Variants in LOC400499 observed in about 807,000 individuals in gnomAD.
At chr16:11,392,114 G>C in the LOC400499 span, 1 of 399,092 alleles carries the variant, frequency 2.5e-6, no homozygotes, top group South Asian at 1.3e-4. Context: ...TGTGAGGACA[G>C]AGGAAGAGGC....
chr16:11,451,444 G>A, the LOC400499 span, among the ~76,000 whole-genome samples: 1 of 152,068 alleles, frequency 6.6e-6, no homozygotes, highest in South Asian at 2.1e-4. Context: ...GCCAGGCACG[G>A]TGGTGCTCAC....
At chr16:11,383,689 T>C in the LOC400499 span, 1 of 1,232,060 alleles carries the variant, frequency 8.1e-7, no homozygotes, top group Non-Finnish European at 1.0e-6. Flanking sequence ...GGCACACAGG[T>C]GGATGTAGGC....
chr16:11,449,880 C>T, the LOC400499 span, among the ~76,000 whole-genome samples: 326 of 152,356 alleles, frequency 2.1e-3, 4 homozygotes, highest in African/African-American at 7.5e-3. Context: ...GGACACTTGC[C>T]GGCACCTCCA....
At chr16:11,507,538 T>C in the LOC400499 span, among the ~76,000 whole-genome samples, 1 of 152,184 alleles carries the variant, frequency 6.6e-6, no homozygotes, top group Admixed American at 6.5e-5. Flanking sequence ...ATCTGTAAAA[T>C]GGGCACAATG....
the LOC400499 span, among the ~76,000 whole-genome samples, chr16:11,520,656 G>T: frequency 9.1e-6 from 1 of 110,392 alleles, no homozygotes; most frequent in Non-Finnish European, 1.7e-5. Flanking sequence ...GACAGAGTGA[G>T]ACTCCATCAA....
the LOC400499 span, chr16:11,407,168 C>T: frequency 3.3e-5 from 13 of 398,814 alleles, no homozygotes; most frequent in Non-Finnish European, 5.3e-5. Context: ...CCCACCCCAG[C>T]GTGCTCCGGC....
the LOC400499 span, among the ~76,000 whole-genome samples, chr16:11,457,482 A>T: frequency 6.6e-6 from 1 of 151,320 alleles, no homozygotes; most frequent in Non-Finnish European, 1.5e-5. Flanking sequence ...AGTCCCAGCT[A>T]CCTGGGAGGC....
At chr16:11,389,244 C>T in the LOC400499 span, among the ~76,000 whole-genome samples, 14 of 152,208 alleles carry the variant, frequency 9.2e-5, no homozygotes, top group Admixed American at 9.2e-4. Context: ...AGGATCCACC[C>T]CCCCATCTCA....
the LOC400499 span, among the ~76,000 whole-genome samples, chr16:11,411,748 C>T: frequency 6.6e-6 from 1 of 152,138 alleles, no homozygotes; most frequent in Non-Finnish European, 1.5e-5. Flanking sequence ...GTCTGGACAG[C>T]AGGATTTTAA....
chr16:11,478,210 T>G, the LOC400499 span, among the ~76,000 whole-genome samples: 39 of 148,976 alleles, frequency 2.6e-4, no homozygotes, highest in South Asian at 8.7e-4. Context: ...GTGTTTTCAG[T>G]AGAGACAGGG....
chr16:11,426,839 T>C, the LOC400499 span, among the ~76,000 whole-genome samples: 1 of 145,600 alleles, frequency 6.9e-6, no homozygotes, highest in Non-Finnish European at 1.5e-5. Context: ...AGGAGGATGC[T>C]TGAGCCATGA....
chr16:11,387,637 A>ATTTTTTTTT, the LOC400499 span, among the ~76,000 whole-genome samples: 10 of 47,604 alleles, frequency 2.1e-4, no homozygotes, highest in Non-Finnish European at 7.8e-4. Flanking sequence ...AGGTCTAGGA[A>ATTTTTTTTT]ATTTTGTTTT....
chr16:11,417,205 T>C, the LOC400499 span, among the ~76,000 whole-genome samples: 98 of 152,144 alleles, frequency 6.4e-4, no homozygotes, highest in African/African-American at 2.3e-3. Flanking sequence ...CATATTCAAG[T>C]CGGACGGGCC....
chr16:11,407,576 T>C, the LOC400499 span, among the ~76,000 whole-genome samples: 9,971 of 152,252 alleles, frequency 0.065, 384 homozygotes, highest in Middle Eastern at 0.15. Context: ...CTCCCTGCTA[T>C]AACATTGACT....
chr16:11,455,097 C>A, the LOC400499 span, among the ~76,000 whole-genome samples: 2 of 152,022 alleles, frequency 1.3e-5, no homozygotes. Context: ...GAAAACTAAT[C>A]AAATAGAAAA....
the LOC400499 span, chr16:11,491,902 T>A: frequency 2.5e-6 from 1 of 397,870 alleles, no homozygotes; most frequent in East Asian, 3.6e-5. Flanking sequence ...CACCCAGGAG[T>A]ATGATGTCCC....
the LOC400499 span, chr16:11,392,849 T>C: frequency 1.1e-6 from 1 of 938,722 alleles, no homozygotes; most frequent in Non-Finnish European, 1.3e-6. Context: ...GGTTTTTTCG[T>C]TTTTGTTTTT....
chr16:11,446,770 C>T, the LOC400499 span: 1 of 1,536,062 alleles, frequency 6.5e-7, no homozygotes, highest in Non-Finnish European at 8.7e-7. Context: ...GGCCTGGCAG[C>T]CCAGGACCAT....
the LOC400499 span, chr16:11,385,484 G>T: frequency 2.8e-6 from 3 of 1,082,354 alleles, no homozygotes; most frequent in East Asian, 3.2e-5. Flanking sequence ...GGAGCCCAAT[G>T]CCTGCTGGGT....
Sources: allele counts gnomAD v4.1 joint callset (sites outside exome capture counted in the v4.1 genomes callset), GRCh38; gene constraint gnomAD v4.1.1; transcripts MANE v1.5.